SLC9C1: variants seen among roughly 807,000 people sequenced by gnomAD.
The protein encoded by SLC9C1 is solute carrier family 9 member C1, also known as sodium/hydrogen exchanger 10.
A neutral mutation model predicts 140.9 loss-of-function variants in SLC9C1; 97 were observed. The ratio of observed to expected loss-of-function variants is 0.69; its 90% CI spans 0.58 to 0.82. The LOEUF is 0.82. SLC9C1 is among the 40% of genes least tolerant of loss of function. The probability of loss-of-function intolerance (pLI) is 0.00; values close to 1 mark genes in which losing one functional copy is unlikely to be tolerated. For missense variants in SLC9C1, 1,340 were observed against 1,389.3 expected (o/e 0.96, Z 0.56); for synonymous variants, 440 against 442.6 (o/e 0.99, Z 0.07).
intron 15 of SLC9C1, among the ~76,000 whole-genome samples, chr3:112,211,433 G>A (rs1275836304): frequency 6.6e-6 from 1 of 152,244 alleles, no homozygotes; most frequent in Non-Finnish European, 1.5e-5. Context: ...GAAGTGCAAG[G>A]GGTCGGGGGA....
At chr3:112,174,775 C>T (rs777657426) in intron 23 of SLC9C1, among the ~76,000 whole-genome samples, 3 of 152,158 alleles carry the variant, frequency 2.0e-5, no homozygotes, top group Non-Finnish European at 2.9e-5. Flanking sequence ...TGTGAGTTGA[C>T]TCTATGATTT....
intron 13 of SLC9C1, among the ~76,000 whole-genome samples, chr3:112,221,663 A>T (rs986620370): frequency 3.3e-5 from 5 of 152,078 alleles, no homozygotes; most frequent in African/African-American, 9.7e-5. Context: ...TGTGATAAGG[A>T]TTAAAATGAT....
At chr3:112,141,994 T>G (rs2074639787) in intron 28 of SLC9C1, among the ~76,000 whole-genome samples, 3 of 152,206 alleles carry the variant, frequency 2.0e-5, no homozygotes, top group Non-Finnish European at 2.9e-5. Context: ...ACAATCTCGT[T>G]GTTAGACACT....
At chr3:112,285,288 G>A (rs2080475559) in intron 2 of SLC9C1, among the ~76,000 whole-genome samples, 1 of 151,904 alleles carries the variant, frequency 6.6e-6, no homozygotes, top group Admixed American at 6.6e-5. Context: ...ACCAAGGCTG[G>A]AGAGCAGAGG....
chr3:112,248,059 G>A (rs567013859), intron 10 of SLC9C1, among the ~76,000 whole-genome samples: 165 of 152,236 alleles, frequency 1.1e-3, no homozygotes, highest in Non-Finnish European at 2.1e-3. Context: ...TTGAGGGTTT[G>A]CTCTCTCTAG....
chr3:112,193,244 G>A (rs2077701394), intron 20 of SLC9C1, among the ~76,000 whole-genome samples: 1 of 152,230 alleles, frequency 6.6e-6, no homozygotes, highest in African/African-American at 2.4e-5. Flanking sequence ...AGCTAACCTG[G>A]GGTCTGGATC....
At chr3:112,204,458 CA>C in intron 16 of SLC9C1, 55 bp from the exon 17 acceptor site, 2 of 1,489,874 alleles carry the variant, frequency 1.3e-6, no homozygotes, top group Non-Finnish European at 1.8e-6. Flanking sequence ...TTTACTACAC[CA>C]TTTTCCACAA....
chr3:112,162,730 C>A (rs369245421), intron 26 of SLC9C1, among the ~76,000 whole-genome samples: 7,879 of 149,490 alleles, frequency 0.053, 254 homozygotes, highest in South Asian at 0.081. Flanking sequence ...GTCTAAAATT[C>A]TCTTTTTTGG....
intron 12 of SLC9C1, among the ~76,000 whole-genome samples, chr3:112,237,544 C>T (rs1281182667): frequency 6.6e-6 from 1 of 152,148 alleles, no homozygotes; most frequent in Admixed American, 6.5e-5. Context: ...GCAGTTTCTT[C>T]CTAGCATCGA....
intron 1 of SLC9C1, among the ~76,000 whole-genome samples, chr3:112,291,601 A>G (rs920533847): frequency 4.6e-5 from 7 of 152,222 alleles, no homozygotes; most frequent in African/African-American, 1.7e-4. Context: ...GGCTCCTATT[A>G]AAAAGTCAAA....
At chr3:112,211,383 C>T (rs571082367) in intron 15 of SLC9C1, among the ~76,000 whole-genome samples, 37 of 63,614 alleles carry the variant, frequency 5.8e-4, no homozygotes, top group African/African-American at 1.6e-3. Flanking sequence ...TGCAGTGCAC[C>T]GAGCATGACC....
chr3:112,180,070 G>C (rs1409279582), intron 22 of SLC9C1, among the ~76,000 whole-genome samples: 1 of 152,098 alleles, frequency 6.6e-6, no homozygotes, highest in Non-Finnish European at 1.5e-5. Context: ...TTAAAATGAT[G>C]GATAGTGTTA....
chr3:112,215,444 G>T (rs1379307523), intron 15 of SLC9C1, among the ~76,000 whole-genome samples: 1 of 152,110 alleles, frequency 6.6e-6, no homozygotes, highest in Non-Finnish European at 1.5e-5. Context: ...TGACATGATT[G>T]TATATTTAGA....
chr3:112,196,539 C>T (rs1003470373), intron 20 of SLC9C1, among the ~76,000 whole-genome samples: 4 of 152,086 alleles, frequency 2.6e-5, no homozygotes, highest in Admixed American at 6.6e-5. Context: ...GTCCCACAGG[C>T]CCCTTAGGCT....
rs1366966833 is a variant in SLC9C1, at chr3:112,179,569, G to T, written c.2881C>A (p.Pro961Thr). 7 of 1,609,986 alleles carry T rather than the reference G, an allele frequency of 4.3e-6. No homozygotes were observed. Among genetic ancestry groups the T allele is most frequent in the Non-Finnish European group, 5.9e-6 (7 of 1,178,724 alleles). The change falls in exon 23 of 29, where the codon CCT becomes ACT. Residue 961 changes from proline (P) to threonine (T), a missense_variant. Pro to Thr is a conservative substitution (Grantham distance 38). Coordinates refer to ENST00000305815, the MANE Select transcript of SLC9C1 (RefSeq NM_183061.3). Reference protein sequence around the residue: ...IGEINCLTNEPMKYSATCKTV... With the variant: ...IGEINCLTNETMKYSATCKTV... ...TTGCAGGTGGCAGAATATTTCATAG[G>T]TTCATTAGTTAAGCAGTTTATCTCT...
intron 23 of SLC9C1, among the ~76,000 whole-genome samples, chr3:112,178,913 A>G (rs2077388883): frequency 1.3e-5 from 2 of 152,240 alleles, no homozygotes; most frequent in African/African-American, 2.4e-5. Context: ...GAAAGAGTTC[A>G]TAGAAGAAAG....
Position 112,180,531 on chromosome 3 carries a change from AAAAAC to A in SLC9C1, c.2748+28_2748+32del, listed in dbSNP as rs759926552. On this transcript the variant is annotated intron_variant, in intron 22 of 28. Transcript: ENST00000305815. Reference sequence around the variant, plus strand: ...AGAGAGAAACTCTGTCTCAAAACAAAAAAACAAAACAAAACAAAAACCTCTGCCTT... The same window carrying A: ...AGAGAGAAACTCTGTCTCAAAACAAAAAAACAAAACAAAAACCTCTGCCTT... The A allele has an allele frequency of 7.1e-4, 1,117 of 1,564,916 alleles. 2 individuals carry two copies. The highest frequency in any genetic ancestry group is 8.1e-4 in the Non-Finnish European group (937 of 1,154,290).
chr3:112,256,583 C>G (rs941291394), intron 10 of SLC9C1, among the ~76,000 whole-genome samples: 1 of 152,030 alleles, frequency 6.6e-6, no homozygotes, highest in Admixed American at 6.6e-5. Context: ...AATAAGAGCC[C>G]TTTATGACAA....
At chr3:112,258,601 TG>T (rs1236235265) in intron 10 of SLC9C1, among the ~76,000 whole-genome samples, 2 of 151,946 alleles carry the variant, frequency 1.3e-5, no homozygotes, top group Non-Finnish European at 2.9e-5. Flanking sequence ...ACAGGCTATT[TG>T]TATTTTTATT....
Sources: allele counts gnomAD v4.1 joint callset (sites outside exome capture counted in the v4.1 genomes callset), GRCh38; gene constraint gnomAD v4.1.1; transcripts MANE v1.5; gene names NCBI Gene and HGNC (gene_info 2026-07-23, HGNC 2026-07-21).